Variants in PHLPP1 observed in about 807,000 individuals in gnomAD.
PHLPP1 encodes the protein PH domain leucine-rich repeat-containing protein phosphatase 1.
Under a neutral mutation model 117.2 loss-of-function variants are expected in PHLPP1, and 42 were observed. The observed-to-expected ratio is 0.36, with a 90% confidence interval of 0.28 to 0.46. The LOEUF (loss-of-function observed/expected upper bound fraction) is 0.46, where lower values mean the gene tolerates loss of function less well. PHLPP1 is among the 20% of genes least tolerant of loss of function. PHLPP1 has a pLI of 1.00. For missense variants in PHLPP1, 2,084 were observed against 2,241.9 expected (o/e 0.93, Z 1.42); for synonymous variants, 1,042 against 970.7 (o/e 1.07, Z -1.37).
chr18:62,957,423 T>G (rs1910643212), intron 12 of PHLPP1, among the ~76,000 whole-genome samples: 1 of 152,120 alleles, frequency 6.6e-6, no homozygotes, highest in Non-Finnish European at 1.5e-5. Context: ...TGTTGATGCC[T>G]TGAGGGTAGG....
At chr18:62,874,752 A>C (rs1916006214) in intron 4 of PHLPP1, among the ~76,000 whole-genome samples, 1 of 152,074 alleles carries the variant, frequency 6.6e-6, no homozygotes, top group African/African-American at 2.4e-5. Flanking sequence ...TGGTGAACGT[A>C]ATGTGCACAG....
chr18:62,835,752 T>A (rs1408663955), intron 2 of PHLPP1, among the ~76,000 whole-genome samples: 1 of 151,692 alleles, frequency 6.6e-6, no homozygotes, highest in Admixed American at 6.6e-5. Context: ...TGTCTTTCTT[T>A]ATCTGAGGTA....
chr18:62,937,927 G>A (rs1223233671), intron 10 of PHLPP1, among the ~76,000 whole-genome samples: 1 of 152,136 alleles, frequency 6.6e-6, no homozygotes, highest in Non-Finnish European at 1.5e-5. Flanking sequence ...TGGGAGAATT[G>A]CTTGAACCTG....
intron 1 of PHLPP1, among the ~76,000 whole-genome samples, chr18:62,797,486 G>T (rs971259025): frequency 6.6e-6 from 1 of 152,214 alleles, no homozygotes; most frequent in South Asian, 2.1e-4. Flanking sequence ...GTGGAAAAAA[G>T]AGAAGTAGGG....
chr18:62,945,923 T>C (rs1482272921), intron 12 of PHLPP1, among the ~76,000 whole-genome samples: 2 of 152,228 alleles, frequency 1.3e-5, no homozygotes, highest in Non-Finnish European at 2.9e-5. Flanking sequence ...GGTAGATTCA[T>C]GGGATGAAAC....
At chr18:62,966,783 G>A (rs1336908558) in intron 14 of PHLPP1, among the ~76,000 whole-genome samples, 1 of 152,010 alleles carries the variant, frequency 6.6e-6, no homozygotes, top group African/African-American at 2.4e-5. Flanking sequence ...TGCAAGTTTT[G>A]GTAAAAGAAT....
At chr18:62,797,284 T>A (rs529644743) in intron 1 of PHLPP1, among the ~76,000 whole-genome samples, 1 of 152,318 alleles carries the variant, frequency 6.6e-6, no homozygotes, top group Non-Finnish European at 1.5e-5. Context: ...CCACAACTTT[T>A]GTTTGAGGCC....
chr18:62,769,773 A>G (rs1305654158), intron 1 of PHLPP1, among the ~76,000 whole-genome samples: 1 of 152,246 alleles, frequency 6.6e-6, no homozygotes, highest in Non-Finnish European at 1.5e-5. Context: ...AATGTGCTAA[A>G]ATGCAGCTAA....
intron 1 of PHLPP1, among the ~76,000 whole-genome samples, chr18:62,785,913 C>T (rs557754956): frequency 6.6e-6 from 1 of 152,166 alleles, no homozygotes; most frequent in African/African-American, 2.4e-5. Flanking sequence ...AGTGCTTAAT[C>T]AATAACTGTA....
intron 4 of PHLPP1, among the ~76,000 whole-genome samples, chr18:62,879,985 A>G (rs908156622): frequency 6.6e-6 from 1 of 150,738 alleles, no homozygotes; most frequent in African/African-American, 2.4e-5. Context: ...CCACCCCCCA[A>G]TGCCGCCAGT....
At chr18:62,934,946 T>C (rs878867884) in intron 10 of PHLPP1, among the ~76,000 whole-genome samples, 1 of 152,232 alleles carries the variant, frequency 6.6e-6, no homozygotes, top group Non-Finnish European at 1.5e-5. Context: ...GGAAACCCCA[T>C]TGGTATTTCT....
chr18:62,875,643 CT>C (rs780990545), intron 4 of PHLPP1, among the ~76,000 whole-genome samples: 3 of 151,978 alleles, frequency 2.0e-5, no homozygotes, highest in Non-Finnish European at 4.4e-5. Context: ...GGGGAAGTGC[CT>C]TTATTCATTC....
chr18:62,738,647 T>C (rs1350087216), intron 1 of PHLPP1, among the ~76,000 whole-genome samples: 7 of 152,212 alleles, frequency 4.6e-5, no homozygotes, highest in Non-Finnish European at 1.0e-4. Context: ...CCTATACATA[T>C]ATTCCTATGA....
chr18:62,868,168 A>G (rs535038319), intron 4 of PHLPP1, among the ~76,000 whole-genome samples: 58 of 152,120 alleles, frequency 3.8e-4, no homozygotes, highest in Non-Finnish European at 6.3e-4. Flanking sequence ...GTTATGCTTG[A>G]TAACTTTTTT....
intron 1 of PHLPP1, among the ~76,000 whole-genome samples, chr18:62,761,236 T>G (rs1912218091): frequency 6.6e-6 from 1 of 152,166 alleles, no homozygotes; most frequent in Non-Finnish European, 1.5e-5. Context: ...TTGTTAAAAC[T>G]TAAAAGCATT....
chr18:62,954,007 G>C (rs1910543656), intron 12 of PHLPP1, among the ~76,000 whole-genome samples: 1 of 152,174 alleles, frequency 6.6e-6, no homozygotes, highest in African/African-American at 2.4e-5. Context: ...AATGTTCTGA[G>C]GAAAACATAA....
At chr18:62,899,235 A>G (rs1437135039) in intron 6 of PHLPP1, among the ~76,000 whole-genome samples, 2 of 152,162 alleles carry the variant, frequency 1.3e-5, no homozygotes, top group African/African-American at 2.4e-5. Context: ...TAGATAATTT[A>G]AGCACTGTTT....
Position 62,903,146 on chromosome 18 carries a change from C to G in PHLPP1, c.2627C>G (p.Ala876Gly). The G allele has an allele frequency of 6.2e-7, 1 of 1,611,528 alleles. No individual in the cohort carries two copies. Reference sequence around the variant, plus strand: ...GACATCTGTGGCTATTTCCTAAAAGCGCTCTATGCCTCTTCTAATGGTATG... The same window carrying G: ...GACATCTGTGGCTATTTCCTAAAAGGGCTCTATGCCTCTTCTAATGGTATG... ...TLDICGYFLK[A>G]LYASSNELVQ... The change falls in exon 7 of 17, where the codon GCG (alanine) becomes GGG (glycine). Residue 876 changes from alanine to glycine, a missense_variant. Physicochemically the swap from Ala to Gly is moderately conservative, Grantham distance 60. This residue lies in a region of PHLPP1 where 1,365 missense variants were observed against 1,605.9 expected (regional missense o/e 0.85). Transcript: ENST00000262719.
At chr18:62,877,908 G>C (rs113661096) in intron 4 of PHLPP1, among the ~76,000 whole-genome samples, 22 of 152,154 alleles carry the variant, frequency 1.4e-4, no homozygotes, top group Non-Finnish European at 2.9e-4. Context: ...CAAAATATCA[G>C]CCAGGCTATA....
Sources: gnomAD v4.1 joint callset for allele counts (sites outside exome capture counted in the v4.1 genomes callset) on GRCh38, gnomAD v4.1.1 for gene constraint, gnomAD v4.1.1 regional missense constraint, MANE v1.5 for transcripts, NCBI Gene and HGNC (gene_info 2026-07-23, HGNC 2026-07-21) for gene names.